Variants in P2RX6 observed in about 807,000 individuals in gnomAD.
The protein encoded by P2RX6 is P2X purinoceptor 6.
In P2RX6, 62 loss-of-function variants were observed where a neutral mutation model predicts 54.2. The observed-to-expected ratio is 1.14, with a 90% CI of 0.93 to 1.41. The LOEUF is 1.41. Among genes scored for constraint, P2RX6 ranks in the 40% most tolerant of loss-of-function variants. The pLI is 0.00. For synonymous variants in P2RX6, 211 were observed against 231.9 expected (o/e 0.91, Z 0.82); for missense variants, 541 against 566.3 (o/e 0.96, Z 0.45).
At position 21,023,613 on chromosome 22, in the gene P2RX6, C is replaced by T. The variant is rs1381196181; in HGVS notation, c.885C>T (p.Asn295=). The part of the protein sequence containing the change: ...YSFQLQEKSY[N]FRTATHWWEQ... ...TCCAGCTGCAGGAGAAGAGCTACAA[C>T]TTCAGGTGAGGCCCCACTGCTCCCA... is the stretch of plus-strand genomic sequence containing the variant. Residue 295 remains asparagine, a synonymous_variant, in exon 8 of 12, where the codon AAC becomes AAT. Coordinates refer to ENST00000413302, the MANE Select transcript of P2RX6 (RefSeq NM_005446.5). 6 of 1,601,772 alleles carry T rather than the reference C, an allele frequency of 3.7e-6. No homozygotes were observed. The African/African-American group carries it at 6.7e-5, about 18-fold the overall frequency.
At chr22:21,025,982 C>A (rs1477319153) in intron 9 of P2RX6, 29 bp from the exon 10 acceptor site, 4 of 1,600,948 alleles carry the variant, frequency 2.5e-6, no homozygotes, top group Admixed American at 1.7e-5. Flanking sequence ...CAGTCGTGGG[C>A]TGAGAGGTTC....
At chr22:21,021,191 G>T (rs1601763029) in intron 3 of P2RX6, among the ~76,000 whole-genome samples, 1 of 152,056 alleles carries the variant, frequency 6.6e-6, no homozygotes, top group Non-Finnish European at 1.5e-5. Flanking sequence ...TGCCCAGGCT[G>T]GTCTCGAACT....
chr22:21,017,657 G>A (rs1380129700), intron 2 of P2RX6, among the ~76,000 whole-genome samples: 2 of 152,212 alleles, frequency 1.3e-5, no homozygotes, highest in Admixed American at 1.3e-4. Flanking sequence ...AGAGGTTGCA[G>A]TGAGCACTGA....
Position 21,025,831 on chromosome 22 carries a change from C to A in P2RX6, c.917C>A (p.Pro306Gln). The A allele has an allele frequency of 6.4e-7, 1 of 1,564,140 alleles. No individual in the cohort carries two copies. Among genetic ancestry groups the A allele is most frequent in the Non-Finnish European group, 8.7e-7 (1 of 1,154,602 alleles). The change falls in exon 9 of 12, where the codon CCG becomes CAG. Residue 306 changes from proline to glutamine, a missense_variant. By Grantham distance (76) the Pro-to-Gln change is moderately conservative. Transcript: ENST00000413302. ...FRTATHWWEQPGVEARTLLKL... is the reference protein window; with the variant it reads ...FRTATHWWEQQGVEARTLLKL... The stretch of plus-strand genomic sequence containing the variant: ...ACAGCCACTCACTGGTGGGAGCAAC[C>A]GGGTGTGGAGGCCCGCACCCTGCTC...
upstream of P2RX6, among the ~76,000 whole-genome samples, chr22:21,012,851 A>G (rs919744436): frequency 6.6e-6 from 1 of 151,188 alleles, no homozygotes; most frequent in Admixed American, 6.6e-5. Context: ...TAGAAGCCTG[A>G]AGGCTCCCCA....
intron 8 of P2RX6, 65 bp downstream of exon 8, chr22:21,023,683 G>A: frequency 1.7e-6 from 2 of 1,191,286 alleles, no homozygotes; most frequent in Non-Finnish European, 2.4e-6. Flanking sequence ...TGGCGGCCAG[G>A]ACAGACCACA....
chr22:21,011,305 C>T (rs1049961454), upstream of P2RX6: 36 of 583,330 alleles, frequency 6.2e-5, 1 homozygote, highest in Middle Eastern at 4.5e-4. Context: ...CGATGTGCAG[C>T]GCGGTCCTGC....
chr22:21,014,951 G>A (rs866080408), upstream of P2RX6: 5 of 476,106 alleles, frequency 1.1e-5, no homozygotes, highest in East Asian at 1.9e-4. Context: ...CAGAGGGCAG[G>A]GACAGAGCTG....
At chr22:21,011,160 G>C (rs970797499), upstream of P2RX6, among the ~76,000 whole-genome samples, 36 of 150,922 alleles carry the variant, frequency 2.4e-4, no homozygotes, top group African/African-American at 8.3e-4. Context: ...TGGTGGCTAA[G>C]TCAGTGCCCA....
At chr22:21,021,789 G>A (rs147405404) in intron 3 of P2RX6, among the ~76,000 whole-genome samples, 2 of 152,198 alleles carry the variant, frequency 1.3e-5, no homozygotes, top group East Asian at 1.9e-4. Context: ...CCTTCTGCCA[G>A]AGCCCCATAG....
At chr22:21,012,669 C>A (rs942533164), upstream of P2RX6, 3 of 487,102 alleles carry the variant, frequency 6.2e-6, no homozygotes, top group Non-Finnish European at 1.2e-5. Context: ...CTGGGACAGA[C>A]AGAGCAAACA....
At position 21,023,384 on chromosome 22, in the gene P2RX6, G is replaced by T; in HGVS notation, c.748G>T (p.Ala250Ser). 6.2e-7 allele frequency: 1 copy of T among 1,614,036 alleles called. No individual in the cohort carries two copies. The highest frequency in any genetic ancestry group is 1.1e-5 in the South Asian group (1 of 91,084). ...CCGCATTGGGGACCTCGTGGCCAAG[G>T]CTGGAGGGACCTTCGAGGACCTGGC... ...VFRIGDLVAK[A>S]GGTFEDLALL... Residue 250 changes from alanine (A) to serine (S), a missense_variant, in exon 7 of 12, where the codon GCT (alanine) becomes TCT (serine). This residue lies in a region of P2RX6 where 526 missense variants were observed against 531.5 expected (regional missense o/e 0.99). Transcript: ENST00000413302.
upstream of P2RX6, among the ~76,000 whole-genome samples, chr22:21,011,147 C>G (rs146302145): frequency 2.4e-3 from 360 of 150,970 alleles, 2 homozygotes; most frequent in African/African-American, 8.2e-3. Context: ...CAAGGTGGAT[C>G]CCTGGTGGCT....
chr22:21,023,093 G>A (rs1167110708), intron 5 of P2RX6, 25 bp from the exon 6 acceptor site: 1 of 1,613,386 alleles, frequency 6.2e-7, no homozygotes, highest in Admixed American at 1.7e-5. Flanking sequence ...CCTGGCAGAG[G>A]CTGTCACCTC....
Position 21,023,279 on chromosome 22 carries a change from A to G in P2RX6, c.643A>G (p.Asn215Asp). 1 of 1,613,934 alleles carries G rather than the reference A, an allele frequency of 6.2e-7. No homozygotes were observed. Among genetic ancestry groups the G allele is most frequent in the Non-Finnish European group, 8.5e-7 (1 of 1,179,850 alleles). ...TFSKFNFSKS[N>D]ALETWDPTYF... The stretch of plus-strand genomic sequence containing the variant: ...GACCTTTCCCACTCCTCCCAGGTCC[A>G]ATGCCTTGGAGACCTGGGACCCCAC... Residue 215 changes from asparagine (N) to aspartate (D), a missense_variant, in exon 7 of 12, where the codon AAT becomes GAT. Asn to Asp is a conservative substitution (Grantham distance 23, BLOSUM62 1). This residue lies in a region of P2RX6 where 526 missense variants were observed against 531.5 expected (regional missense o/e 0.99). Transcript: ENST00000413302.
chr22:21,026,355 C>A lies in P2RX6; in HGVS notation c.1128+26C>A. On this transcript the variant is annotated intron_variant, in intron 11 of 11. Coordinates refer to ENST00000413302, the MANE Select transcript of P2RX6 (RefSeq NM_005446.5). The surrounding 1 kb of genome is among the most constrained non-coding windows in gnomAD (Gnocchi z 4.0). Reference sequence around the variant, plus strand: ...GTGAGCTGAGGTCGCTCTGCTTGGACCCTGGGTTCTGCCACACTTAGGAAG... The same window carrying A: ...GTGAGCTGAGGTCGCTCTGCTTGGAACCTGGGTTCTGCCACACTTAGGAAG... 1 of 1,592,292 alleles carries A rather than the reference C, an allele frequency of 6.3e-7. No homozygotes were observed. The highest frequency in any genetic ancestry group is 1.1e-5 in the South Asian group (1 of 87,220).
At chr22:21,012,619 T>C (rs550465614), upstream of P2RX6, 8 of 595,374 alleles carry the variant, frequency 1.3e-5, no homozygotes, top group East Asian at 3.0e-4. Context: ...CCACTTGACA[T>C]ATGGATTGGA....
At chr22:21,024,124 T>C (rs1184898723) in intron 8 of P2RX6, among the ~76,000 whole-genome samples, 1 of 82,688 alleles carries the variant, frequency 1.2e-5, no homozygotes, top group Admixed American at 1.4e-4. Flanking sequence ...CCCAGCTAAT[T>C]TTTATATTTT....
At chr22:21,022,896 G>C in intron 4 of P2RX6, 46 bp from the exon 5 acceptor site, 1 of 1,574,906 alleles carries the variant, frequency 6.3e-7, no homozygotes, top group East Asian at 2.2e-5. Context: ...GGCCTCCCCA[G>C]GCCTGCAGAG....
Sources: allele counts gnomAD v4.1 joint callset (sites outside exome capture counted in the v4.1 genomes callset), GRCh38; gene constraint gnomAD v4.1.1; regional missense constraint gnomAD v4.1.1; non-coding constraint Gnocchi (gnomAD v3.1); transcripts MANE v1.5; gene names NCBI Gene and HGNC (gene_info 2026-07-23, HGNC 2026-07-21).